GNAO1: variants seen among roughly 807,000 people sequenced by gnomAD.
The protein encoded by GNAO1 is G protein subunit alpha o1, also known as guanine nucleotide-binding protein G(o) subunit alpha.
For missense variants in GNAO1, 166 were observed against 478.7 expected (o/e 0.35, Z 6.10); for synonymous variants, 164 against 180.7 (o/e 0.91, Z 0.74).
chr16:56,322,900 G>GA (rs1169811025), intron 3 of GNAO1, among the ~76,000 whole-genome samples: 2 of 152,320 alleles, frequency 1.3e-5, no homozygotes, highest in African/African-American at 4.8e-5. Context: ...ACATCCTGCA[G>GA]ACGTGGCTGA....
chr16:56,337,268 C>T (rs754398738), intron 6 of GNAO1, among the ~76,000 whole-genome samples: 2 of 152,242 alleles, frequency 1.3e-5, no homozygotes, highest in Non-Finnish European at 2.9e-5. Flanking sequence ...GCACTGGCGT[C>T]AGATGCTGCT....
At chr16:56,246,311 C>T (rs201406462) in intron 2 of GNAO1, among the ~76,000 whole-genome samples, 2 of 152,248 alleles carry the variant, frequency 1.3e-5, no homozygotes, top group East Asian at 1.9e-4. Flanking sequence ...AAAACCCCTA[C>T]TTCAGCCTCC....
intron 2 of GNAO1, among the ~76,000 whole-genome samples, chr16:56,267,534 G>A (rs2036967628): frequency 6.6e-6 from 1 of 152,134 alleles, no homozygotes; most frequent in African/African-American, 2.4e-5. Flanking sequence ...CCAGGCACCG[G>A]TGCTGTTCTC....
chr16:56,288,852 C>T (rs891867111), intron 3 of GNAO1, among the ~76,000 whole-genome samples: 1 of 152,130 alleles, frequency 6.6e-6, no homozygotes, highest in Non-Finnish European at 1.5e-5. Context: ...AGGGTGACCT[C>T]AGGCCCATCC....
intron 3 of GNAO1, among the ~76,000 whole-genome samples, chr16:56,285,010 C>G (rs2037151498): frequency 6.6e-6 from 1 of 152,228 alleles, no homozygotes; most frequent in Non-Finnish European, 1.5e-5. Context: ...CTGCAGAGGC[C>G]CCAGCCAGCA....
chr16:56,198,259 A>G (rs956283124), intron 2 of GNAO1, among the ~76,000 whole-genome samples: 1 of 152,196 alleles, frequency 6.6e-6, no homozygotes, highest in Non-Finnish European at 1.5e-5. Context: ...AAGATGCTCA[A>G]ATGAACTCCA....
chr16:56,307,253 C>G (rs1481134651), intron 3 of GNAO1: 1 of 152,206 alleles, frequency 6.6e-6, no homozygotes, highest in Non-Finnish European at 1.5e-5. Flanking sequence ...CTCCCTCCTT[C>G]CCAGAATCCC....
chr16:56,321,578 C>A (rs1237114755), intron 3 of GNAO1, among the ~76,000 whole-genome samples: 1 of 152,218 alleles, frequency 6.6e-6, no homozygotes, highest in African/African-American at 2.4e-5. Context: ...AGCATGTGTC[C>A]ACCCCTAGAA....
intron 6 of GNAO1, chr16:56,339,700 T>G (rs1265085295): frequency 6.5e-6 from 1 of 152,762 alleles, no homozygotes; most frequent in African/African-American, 2.4e-5. Flanking sequence ...GTACCTGCTC[T>G]CAGCACCGCC....
At chr16:56,265,901 A>G (rs1401411676) in intron 2 of GNAO1, among the ~76,000 whole-genome samples, 2 of 152,086 alleles carry the variant, frequency 1.3e-5, no homozygotes, top group Non-Finnish European at 2.9e-5. Flanking sequence ...CACTTTCCCT[A>G]TCACTCACTA....
In GNAO1 at chr16:56,275,910, G is replaced by A. The variant is rs183824697; in HGVS notation, c.162-21G>A. The A allele has an allele frequency of 1.7e-5, 28 of 1,606,918 alleles. No homozygotes were observed. The African/African-American group carries it at 3.2e-4, about 18-fold the overall frequency. Reference sequence around the variant, plus strand: ...GAGGACAATGCTCTCATCAGGTGTGGTGTGTGTGGTTTTTCTCTAGGATCA... The same window carrying A: ...GAGGACAATGCTCTCATCAGGTGTGATGTGTGTGGTTTTTCTCTAGGATCA... On this transcript the variant is annotated intron_variant, in intron 2 of 8. Transcript: ENST00000262493.
chr16:56,267,544 C>T lies in GNAO1; in HGVS notation c.162-8387C>T, dbSNP rs118083992. Among the ~76,000 whole-genome samples, 1,424 of 152,322 alleles carry T rather than the reference C, an allele frequency of 9.3e-3. 45 individuals are homozygous for T. The highest frequency in any genetic ancestry group is 0.057 in the South Asian group (277 of 4,828). ...TGTCTCCAGGCACCGGTGCTGTTCT[C>T]TTGTCTGGATTGTCCTACCTTGTCT... On this transcript the variant is annotated intron_variant, in intron 2 of 8. Transcript: ENST00000262493.
intron 2 of GNAO1, among the ~76,000 whole-genome samples, chr16:56,203,668 T>C (rs1275830009): frequency 6.6e-6 from 1 of 152,214 alleles, no homozygotes; most frequent in African/African-American, 2.4e-5. Context: ...GTTATGTGAA[T>C]CAATAAATCT....
intron 6 of GNAO1, chr16:56,344,961 C>T (rs891500571): frequency 1.6e-5 from 16 of 982,242 alleles, no homozygotes; most frequent in South Asian, 4.7e-5. Context: ...TGTTCACAGC[C>T]GTTGGTGTCT....
chr16:56,338,814 G>T (rs2037769021), intron 6 of GNAO1, among the ~76,000 whole-genome samples: 1 of 149,466 alleles, frequency 6.7e-6, no homozygotes, highest in South Asian at 2.1e-4. Flanking sequence ...CATGAGCCTG[G>T]TGCTGGGCCT....
intron 2 of GNAO1, among the ~76,000 whole-genome samples, chr16:56,224,468 TG>T (rs2036517216): frequency 6.6e-6 from 1 of 152,138 alleles, no homozygotes. Flanking sequence ...GATGGGGGAC[TG>T]GGGTTTTATT....
intron 3 of GNAO1, among the ~76,000 whole-genome samples, chr16:56,322,708 G>A (rs762318851): frequency 6.6e-6 from 1 of 152,050 alleles, no homozygotes; most frequent in Non-Finnish European, 1.5e-5. Context: ...CACAAGAGGA[G>A]GTCGACTTTG....
chr16:56,337,873 G>A (rs2037758346), intron 6 of GNAO1, among the ~76,000 whole-genome samples: 1 of 152,190 alleles, frequency 6.6e-6, no homozygotes, highest in African/African-American at 2.4e-5. Context: ...TCCTGACAGC[G>A]GGGCCCATAG....
chr16:56,283,169 A>G (rs1226703989), intron 3 of GNAO1, among the ~76,000 whole-genome samples: 2 of 152,172 alleles, frequency 1.3e-5, no homozygotes, highest in African/African-American at 4.8e-5. Context: ...TTGCTTCTCA[A>G]GTTGCTCATT....
Sources: allele counts gnomAD v4.1 joint callset (sites outside exome capture counted in the v4.1 genomes callset), GRCh38; gene constraint gnomAD v4.1.1; transcripts MANE v1.5; gene names NCBI Gene and HGNC (gene_info 2026-07-23, HGNC 2026-07-21).